The following SPIRE1 variants were observed in gnomAD, a reference collection of about 807,000 sequenced individuals.
SPIRE1 encodes spire type actin nucleation factor 1, also known as protein spire homolog 1.
SPIRE1 carries 40 observed loss-of-function variants against 94.1 expected under a neutral mutation model. The ratio of observed to expected loss-of-function variants is 0.43; its 90% CI spans 0.33 to 0.55. The LOEUF is 0.55. Among genes scored for constraint, SPIRE1 ranks in the 20% least tolerant of loss-of-function variants. The pLI is 0.06. For synonymous variants in SPIRE1, 376 were observed against 371.7 expected (o/e 1.01, Z -0.13); for missense variants, 838 against 975.2 (o/e 0.86, Z 1.87).
intron 1 of SPIRE1, among the ~76,000 whole-genome samples, chr18:12,638,763 C>T (rs1205122864): frequency 1.3e-5 from 2 of 152,056 alleles, no homozygotes; most frequent in Non-Finnish European, 2.9e-5. Flanking sequence ...CCTGTGATAG[C>T]GAGTTATCAT....
intron 2 of SPIRE1, among the ~76,000 whole-genome samples, chr18:12,630,026 C>T (rs1463029003): frequency 6.6e-6 from 1 of 152,056 alleles, no homozygotes; most frequent in African/African-American, 2.4e-5. Flanking sequence ...GATTTCACTG[C>T]TTTCTCAGAA....
intron 7 of SPIRE1, among the ~76,000 whole-genome samples, 199 bp downstream of exon 7, chr18:12,495,816 CA>C (rs1224894734): frequency 6.6e-6 from 1 of 152,040 alleles, no homozygotes; most frequent in Non-Finnish European, 1.5e-5. Flanking sequence ...ACTTGAGTCC[CA>C]GGGGTCACTC....
At chr18:12,601,017 T>C (rs2036819160) in intron 2 of SPIRE1, among the ~76,000 whole-genome samples, 1 of 152,198 alleles carries the variant, frequency 6.6e-6, no homozygotes, top group African/African-American at 2.4e-5. Context: ...CCACTTTGCC[T>C]GGCCCATTAT....
intron 1 of SPIRE1, among the ~76,000 whole-genome samples, chr18:12,649,385 A>G (rs996558814): frequency 3.9e-5 from 6 of 152,126 alleles, no homozygotes; most frequent in African/African-American, 1.4e-4. Flanking sequence ...CTCCAGCCTG[A>G]GCAAGAGAGA....
In SPIRE1 at chr18:12,640,882, T is replaced by C. The variant is rs561552648; in HGVS notation, c.338-5786A>G. Among the ~76,000 whole-genome samples, 357 of 152,260 alleles carry C rather than the reference T, an allele frequency of 2.3e-3. 3 individuals are homozygous for C. The highest frequency in any genetic ancestry group is 0.014 in the South Asian group (69 of 4,816). On this transcript the variant is annotated intron_variant, in intron 1 of 16. Coordinates refer to ENST00000409402, the MANE Select transcript of SPIRE1 (RefSeq NM_001128626.2). ...TGACTTTAAGGAAAATGGGAAGCTA[T>C]TGAAGGATACCAGGCAAGAGGGTCA...
chr18:12,622,643 C>T (rs1415180287), intron 2 of SPIRE1, among the ~76,000 whole-genome samples: 1 of 150,900 alleles, frequency 6.6e-6, no homozygotes, highest in African/African-American at 2.4e-5. Flanking sequence ...AGGATGGTCT[C>T]GATCTCCTGA....
At chr18:12,573,147 G>T (rs2036000119) in intron 2 of SPIRE1, among the ~76,000 whole-genome samples, 1 of 152,106 alleles carries the variant, frequency 6.6e-6, no homozygotes, top group Non-Finnish European at 1.5e-5. Context: ...AACCCAGTGA[G>T]AAAACAACCC....
intron 2 of SPIRE1, among the ~76,000 whole-genome samples, chr18:12,586,780 T>C (rs1304654027): frequency 2.0e-5 from 3 of 152,340 alleles, no homozygotes; most frequent in East Asian, 1.9e-4. Flanking sequence ...ATGGTAACTC[T>C]AAGCTCTGAA....
chr18:12,553,483 T>C (rs1478240483), intron 2 of SPIRE1, among the ~76,000 whole-genome samples: 1 of 152,126 alleles, frequency 6.6e-6, no homozygotes, highest in East Asian at 1.9e-4. Flanking sequence ...GGGGTGAGGC[T>C]CCTCTGCCTG....
At chr18:12,483,125 G>A (rs979243572) in intron 9 of SPIRE1, among the ~76,000 whole-genome samples, 2 of 151,688 alleles carry the variant, frequency 1.3e-5, no homozygotes, top group African/African-American at 2.4e-5. Context: ...GTATTTTTTT[G>A]TGTGTGTGCG....
At chr18:12,658,176 C>A (rs1470107421), upstream of SPIRE1, 5 of 827,728 alleles carry the variant, frequency 6.0e-6, no homozygotes, top group African/African-American at 9.4e-5. Flanking sequence ...CTTAGGGGGC[C>A]GCACGGGCCG....
At chr18:12,461,557 G>GTGTGTATATGTATGTA (rs1568184210) in intron 12 of SPIRE1, among the ~76,000 whole-genome samples, 5,554 of 124,962 alleles carry the variant, frequency 0.044, 391 homozygotes, top group African/African-American at 0.16. Flanking sequence ...ATACATACAT[G>GTGTGTATATGTATGTA]CGTGTATATG....
intron 6 of SPIRE1, among the ~76,000 whole-genome samples, chr18:12,503,912 T>C (rs2033747316): frequency 6.8e-6 from 1 of 147,148 alleles, no homozygotes; most frequent in Non-Finnish European, 1.5e-5. Flanking sequence ...TGTGAAGCAA[T>C]GGACAAAACT....
intron 12 of SPIRE1, chr18:12,459,898 T>A (rs969811875): frequency 1.0e-6 from 1 of 985,638 alleles, no homozygotes; most frequent in Admixed American, 6.2e-5. Context: ...CGAAAAGGCG[T>A]CCTTGGCCAT....
intron 2 of SPIRE1, among the ~76,000 whole-genome samples, chr18:12,561,328 G>A (rs2035678545): frequency 2.0e-5 from 3 of 149,774 alleles, no homozygotes; most frequent in Non-Finnish European, 2.9e-5. Flanking sequence ...GGAGTGCAAC[G>A]GCATGATCTT....
chr18:12,497,046 C>A (rs892593870), intron 6 of SPIRE1, among the ~76,000 whole-genome samples: 3 of 152,026 alleles, frequency 2.0e-5, no homozygotes, highest in South Asian at 2.1e-4. Context: ...CCAGCCTAGG[C>A]AACAGAGCAA....
chr18:12,458,406 T>TG (rs1314022759), intron 12 of SPIRE1, among the ~76,000 whole-genome samples: 1 of 151,464 alleles, frequency 6.6e-6, no homozygotes, highest in Admixed American at 6.6e-5. Context: ...GGTCAGGAGA[T>TG]GGAGACCATC....
In SPIRE1 at chr18:12,657,559, T is replaced by A. The variant is rs2038586598; in HGVS notation, c.308A>T (p.Asp103Val). 2.4e-6 allele frequency: 3 copies of A among 1,235,666 alleles called. No homozygotes were observed. In the South Asian group the frequency reaches 1.1e-4, roughly 46 times the overall value. The allele number at this position is 1,235,666 out of a possible 1,614,324, so 76.5% of individuals were successfully genotyped here. Reference sequence around the variant, plus strand: ...AACTGGGGGCGGCTCTCCCGCGTCGTCGGCCGCGGGCGCCAGGGTGACGGC... The same window carrying A: ...AACTGGGGGCGGCTCTCCCGCGTCGACGGCCGCGGGCGCCAGGGTGACGGC... ...DGAVTLAPAA[D>V]DAGEPPPVAG... Residue 103 changes from aspartate (D) to valine (V), a missense_variant, in exon 1 of 17, where the codon GAC becomes GTC. By Grantham distance (152) the Asp-to-Val change is radical (BLOSUM62 -3). This residue lies in a region of SPIRE1 where 193 missense variants were observed against 170.5 expected (regional missense o/e 1.13). Transcript: ENST00000409402.
At chr18:12,585,689 C>T (rs369773573) in intron 2 of SPIRE1, among the ~76,000 whole-genome samples, 2 of 151,986 alleles carry the variant, frequency 1.3e-5, no homozygotes, top group East Asian at 3.9e-4. Flanking sequence ...TATGTACTAA[C>T]ATGTAAAAAG....
Sources: allele counts gnomAD v4.1 joint callset (sites outside exome capture counted in the v4.1 genomes callset), GRCh38; gene constraint gnomAD v4.1.1; regional missense constraint gnomAD v4.1.1; transcripts MANE v1.5; gene names NCBI Gene and HGNC (gene_info 2026-07-23, HGNC 2026-07-21).